CHRNA5: variants seen among roughly 807,000 people sequenced by gnomAD.
CHRNA5 encodes the protein cholinergic receptor nicotinic alpha 5 subunit.
Under a neutral mutation model 41.2 loss-of-function variants are expected in CHRNA5, and 28 were observed. That is an observed-to-expected ratio of 0.68 (90% CI 0.50 to 0.93). CHRNA5 has a LOEUF of 0.93. CHRNA5 is among the 40% of genes least tolerant of loss of function. The pLI, the probability that CHRNA5 is intolerant of heterozygous loss-of-function variation, is 0.00. For synonymous variants in CHRNA5, 188 were observed against 205.8 expected, an observed-to-expected ratio of 0.91 and a Z score of 0.74; for missense variants, 481 against 581.9, an observed-to-expected ratio of 0.83 and a Z score of 1.78.
chr15:78,575,281 A>T (rs950561050), intron 1 of CHRNA5, among the ~76,000 whole-genome samples: 1 of 152,194 alleles, frequency 6.6e-6, no homozygotes, highest in Non-Finnish European at 1.5e-5. Flanking sequence ...AGTGTTAGTG[A>T]CATTACTGTA....
At chr15:78,579,123 A>G (rs1047513008) in intron 1 of CHRNA5, among the ~76,000 whole-genome samples, 1 of 151,786 alleles carries the variant, frequency 6.6e-6, no homozygotes, top group African/African-American at 2.4e-5. Flanking sequence ...TTAATGGCAC[A>G]TGTTTCCTGA....
In CHRNA5 at chr15:78,588,194, C is replaced by G. The variant is rs531273490; in HGVS notation, c.304-120C>G. On this transcript the variant is annotated intron_variant, in intron 3 of 5. Transcript: ENST00000299565. The surrounding 1 kb of genome is among the most constrained non-coding windows in gnomAD (Gnocchi z 4.1). ...ATAATAAGAAAGACAGGGAGGTGTT[C>G]TCTATTGGGGGTAGAGATGATCTCA... 155 of 505,128 alleles carry G rather than the reference C, an allele frequency of 3.1e-4. No individual in the cohort carries two copies. Among genetic ancestry groups the G allele is most frequent in the African/African-American group, 2.9e-3 (147 of 50,898 alleles). 31.3% of individuals were successfully genotyped at this position (505,128 alleles called of 1,614,324 possible).
chr15:78,581,017 G>A, intron 2 of CHRNA5, 55 bp downstream of exon 2: 7 of 1,562,534 alleles, frequency 4.5e-6, no homozygotes, highest in Non-Finnish European at 6.1e-6. Flanking sequence ...TGAGAGCCTG[G>A]TGTGTGCCCA....
intron 3 of CHRNA5, among the ~76,000 whole-genome samples, chr15:78,587,706 TG>T (rs2052974326): frequency 6.6e-6 from 1 of 152,212 alleles, no homozygotes; most frequent in East Asian, 1.9e-4. Context: ...AAAGGACTTT[TG>T]TTTTTTTCTG....
chr15:78,586,613 A>C (rs1051314064), intron 2 of CHRNA5, 32 bp from the exon 3 acceptor site: 1 of 1,267,078 alleles, frequency 7.9e-7, no homozygotes, highest in Admixed American at 2.0e-5. Context: ...TGTAATTGAA[A>C]TCAATCTTAT....
In CHRNA5 at chr15:78,578,279, G is replaced by A. The variant is rs527819999; in HGVS notation, c.107-2532G>A. Among the ~76,000 whole-genome samples, 26 of 152,240 alleles carry A rather than the reference G, an allele frequency of 1.7e-4. No homozygotes were observed. In the South Asian group the frequency reaches 4.6e-3, roughly 27 times the overall value. On this transcript the variant is annotated intron_variant, in intron 1 of 5. Coordinates refer to ENST00000299565, the Ensembl canonical transcript of CHRNA5. Reference sequence around the variant, plus strand: ...TCCCAGCACTTTGGGAGGCCGAGGCGGGTGGATCACCTAAGGTCAGGAGTT... The same window carrying A: ...TCCCAGCACTTTGGGAGGCCGAGGCAGGTGGATCACCTAAGGTCAGGAGTT...
intron 1 of CHRNA5, among the ~76,000 whole-genome samples, chr15:78,577,006 G>T (rs752369218): frequency 6.6e-6 from 1 of 152,018 alleles, no homozygotes; most frequent in Non-Finnish European, 1.5e-5. Context: ...AGTAAATGTC[G>T]ATGTTGTCTG....
chr15:78,581,830 C>T (rs2052915396), intron 2 of CHRNA5, among the ~76,000 whole-genome samples: 1 of 152,120 alleles, frequency 6.6e-6, no homozygotes, highest in Non-Finnish European at 1.5e-5. Context: ...ATTTTGATTA[C>T]TGCTTTTTCT....
exon 5 of CHRNA5, chr15:78,590,558 T>C (rs767284826): frequency 6.2e-7 from 1 of 1,614,204 alleles, no homozygotes; most frequent in East Asian, 2.2e-5. Context: ...CAAAATCTTC[T>C]AGAAACACAT....
chr15:78,565,883 G>T, intron 1 of CHRNA5, 58 bp downstream of exon 1: 5 of 1,065,748 alleles, frequency 4.7e-6, no homozygotes, highest in Non-Finnish European at 4.8e-6. Context: ...ACATCGCGGT[G>T]CCCAGGAAGC....
intron 1 of CHRNA5, among the ~76,000 whole-genome samples, chr15:78,566,328 G>A (rs2052747082): frequency 6.6e-6 from 1 of 152,184 alleles, no homozygotes; most frequent in Admixed American, 6.5e-5. Flanking sequence ...GGTGTGTGTT[G>A]TAGCAGGCTA....
chr15:78,581,467 CCTAT>C (rs1478504413), intron 2 of CHRNA5, among the ~76,000 whole-genome samples: 2 of 152,142 alleles, frequency 1.3e-5, no homozygotes, highest in Non-Finnish European at 2.9e-5. Context: ...GTCAAGAGAT[CCTAT>C]CTATTTAAAC....
At chr15:78,571,578 CTTTTTTT>C (rs34248937) in intron 1 of CHRNA5, among the ~76,000 whole-genome samples, 1 of 116,618 alleles carries the variant, frequency 8.6e-6, no homozygotes, top group African/African-American at 3.1e-5. Flanking sequence ...GATGCTCTGC[CTTTTTTT>C]TTTTTTTTTT....
intron 1 of CHRNA5, among the ~76,000 whole-genome samples, chr15:78,566,157 C>G (rs964484101): frequency 6.6e-6 from 1 of 152,098 alleles, no homozygotes; most frequent in Non-Finnish European, 1.5e-5. Context: ...TGGTGGCAGC[C>G]AAGCTTCCCA....
At chr15:78,567,174 A>G (rs1162292692) in intron 1 of CHRNA5, among the ~76,000 whole-genome samples, 1 of 151,462 alleles carries the variant, frequency 6.6e-6, no homozygotes, top group African/African-American at 2.4e-5. Context: ...AATGACGTGA[A>G]CCCGAGAGGC....
exon 6 of CHRNA5, chr15:78,594,509 T>TCTACTAAGAATA (rs1243412616): frequency 2.6e-5 from 4 of 152,164 alleles, no homozygotes; most frequent in Non-Finnish European, 5.9e-5. Flanking sequence ...AAGCCCCGTC[T>TCTACTAAGAATA]CTACTAAGAA....
chr15:78,572,480 A>G (rs1190649760), intron 1 of CHRNA5, among the ~76,000 whole-genome samples: 1 of 151,988 alleles, frequency 6.6e-6, no homozygotes, highest in East Asian at 1.9e-4. Context: ...TGTGTTTTTT[A>G]TTTTTTATTT....
intron 2 of CHRNA5, among the ~76,000 whole-genome samples, chr15:78,584,505 G>A (rs943642772): frequency 2.6e-5 from 4 of 152,226 alleles, no homozygotes; most frequent in Admixed American, 2.6e-4. Context: ...GGAGGTATTT[G>A]AGGTCACATT....
At chr15:78,589,844 C>A (rs111795555) in exon 5 of CHRNA5, 1 of 1,609,556 alleles carries the variant, frequency 6.2e-7, no homozygotes, top group South Asian at 1.1e-5. Context: ...CGAAAACAGT[C>A]ATCAGGTACA....
Sources: gnomAD v4.1 joint callset for allele counts (sites outside exome capture counted in the v4.1 genomes callset) on GRCh38, gnomAD v4.1.1 for gene constraint, Gnocchi (gnomAD v3.1) non-coding constraint, MANE v1.5 for transcripts, NCBI Gene and HGNC (gene_info 2026-07-23, HGNC 2026-07-21) for gene names.